Variants in KIAA0825 observed in about 807,000 individuals in gnomAD.
KIAA0825 encodes the protein uncharacterized protein KIAA0825.
KIAA0825 carries 119 observed loss-of-function variants against 147.6 expected under a neutral mutation model. The observed-to-expected ratio is 0.81, with a 90% CI of 0.69 to 0.94. The LOEUF is 0.94. Among genes scored for constraint, KIAA0825 ranks in the 40% least tolerant of loss-of-function variants. The pLI, the probability that KIAA0825 is intolerant of heterozygous loss-of-function variation, is 0.00. For missense variants in KIAA0825, 1,381 were observed against 1,472.7 expected, an observed-to-expected ratio of 0.94 and a Z score of 1.02; for synonymous variants, 470 against 518.1, an observed-to-expected ratio of 0.91 and a Z score of 1.26.
rs183644747 is a variant in KIAA0825, at chr5:94,194,168, C to A, written c.3711-40044G>T. Among the ~76,000 whole-genome samples the A allele has an allele frequency of 2.5e-4, 38 of 152,292 alleles. No individual in the cohort carries two copies. The East Asian group carries it at 7.0e-3, about 28-fold the overall frequency. ...AGGAGAGGAAGCAGCTGCTTGCAGA[C>A]AATGTCTCCTCTCTGCCCTCCCCAG... On this transcript the variant is annotated intron_variant, in intron 20 of 20. Transcript: ENST00000682413.
intron 12 of KIAA0825, among the ~76,000 whole-genome samples, chr5:94,460,812 T>C (rs1047422243): frequency 6.6e-6 from 1 of 152,028 alleles, no homozygotes; most frequent in Non-Finnish European, 1.5e-5. Flanking sequence ...AGATGTATAG[T>C]CTAGGAAAAT....
chr5:94,555,015 A>G (rs1248434981), intron 2 of KIAA0825, among the ~76,000 whole-genome samples: 1 of 151,890 alleles, frequency 6.6e-6, no homozygotes, highest in Non-Finnish European at 1.5e-5. Context: ...TCTGCCATAT[A>G]CATTTGACAG....
At chr5:94,614,722 T>C (rs1789935032) in intron 1 of KIAA0825, among the ~76,000 whole-genome samples, 1 of 152,212 alleles carries the variant, frequency 6.6e-6, no homozygotes, top group Admixed American at 6.5e-5. Flanking sequence ...AAAAATCTCT[T>C]TTCTTTGCAT....
At chr5:94,565,095 C>CTTTCTTTTTTTTTTTTTTTTTTTTTTT (rs1778432946) in intron 2 of KIAA0825, among the ~76,000 whole-genome samples, 1 of 52,936 alleles carries the variant, frequency 1.9e-5, no homozygotes, top group African/African-American at 7.8e-5. Context: ...TCTTGCTTTC[C>CTTTCTTTTTTTTTTTTTTTTTTTTTTT]TTTTTTTTTT....
At chr5:94,467,391 T>A (rs1352961502) in intron 10 of KIAA0825, among the ~76,000 whole-genome samples, 1 of 152,206 alleles carries the variant, frequency 6.6e-6, no homozygotes, top group African/African-American at 2.4e-5. Flanking sequence ...AGATTATATA[T>A]CAGGAAACAA....
intron 20 of KIAA0825, among the ~76,000 whole-genome samples, chr5:94,278,005 CACAGGA>C (rs1777295790): frequency 1.3e-5 from 2 of 152,108 alleles, no homozygotes; most frequent in Admixed American, 1.3e-4. Context: ...AACAAACTAA[CACAGGA>C]ACAGAAAACC....
At chr5:94,559,256 A>G (rs573446110) in intron 2 of KIAA0825, among the ~76,000 whole-genome samples, 2 of 152,318 alleles carry the variant, frequency 1.3e-5, no homozygotes, top group East Asian at 3.9e-4. Flanking sequence ...TGTTTTCAAT[A>G]AAACAATTTA....
At chr5:94,332,227 CT>C (rs1372058235) in intron 20 of KIAA0825, among the ~76,000 whole-genome samples, 61 of 137,268 alleles carry the variant, frequency 4.4e-4, no homozygotes, top group Non-Finnish European at 3.2e-4. Context: ...TCTTTTCTTT[CT>C]TTTTTTTTTT....
At chr5:94,484,692 G>A (rs149327557) in intron 6 of KIAA0825, 77 bp downstream of exon 6, 28 of 967,530 alleles carry the variant, frequency 2.9e-5, no homozygotes, top group African/African-American at 1.3e-4. Context: ...TCAAGTAATC[G>A]TTTTCATTCA....
Position 94,221,170 on chromosome 5 carries a change from G to C in KIAA0825, c.3711-67046C>G, listed in dbSNP as rs1432428452. ...CAGACTACGAGGTGTGACCCTAAGA[G>C]TCCCTCTTTGTGGTCTCAGGGGTAG... On this transcript the variant is annotated intron_variant, in intron 20 of 20. Transcript: ENST00000682413. 3.3e-5 allele frequency among the ~76,000 whole-genome samples: 5 copies of C among 152,270 alleles called. No homozygotes were observed. In the East Asian group the frequency reaches 9.6e-4, roughly 29 times the overall value.
intron 5 of KIAA0825, among the ~76,000 whole-genome samples, chr5:94,495,202 CTTA>C (rs1254171194): frequency 1.3e-5 from 2 of 152,154 alleles, no homozygotes; most frequent in Non-Finnish European, 2.9e-5. Context: ...TACTCATGAG[CTTA>C]TTATTCTAAA....
chr5:94,328,895 G>A (rs1584132168), intron 20 of KIAA0825, among the ~76,000 whole-genome samples: 1 of 151,958 alleles, frequency 6.6e-6, no homozygotes, highest in South Asian at 2.1e-4. Flanking sequence ...CTAAAAGTAT[G>A]TTTCAAATAT....
At chr5:94,388,396 G>T (rs1475642054) in intron 18 of KIAA0825, among the ~76,000 whole-genome samples, 2 of 152,128 alleles carry the variant, frequency 1.3e-5, no homozygotes, top group African/African-American at 4.8e-5. Flanking sequence ...ATTCTTTAGT[G>T]TCTGATGGAG....
At chr5:94,477,080 A>G in intron 7 of KIAA0825, 31 bp downstream of exon 7, 1 of 1,445,258 alleles carries the variant, frequency 6.9e-7, no homozygotes, top group Non-Finnish European at 9.5e-7. Flanking sequence ...TTATATGTGA[A>G]TTATAAAACA....
intron 1 of KIAA0825, among the ~76,000 whole-genome samples, chr5:94,604,916 T>C (rs1230204139): frequency 2.0e-5 from 3 of 150,684 alleles, no homozygotes; most frequent in Non-Finnish European, 3.0e-5. Context: ...CTGAAGGAGA[T>C]AGAGACAAGA....
intron 3 of KIAA0825, among the ~76,000 whole-genome samples, chr5:94,531,523 G>A (rs1354787480): frequency 6.6e-6 from 1 of 152,208 alleles, no homozygotes; most frequent in Non-Finnish European, 1.5e-5. Context: ...CTACTGCGCT[G>A]CTGAAGCCCA....
At chr5:94,256,786 G>A (rs1041822978) in intron 20 of KIAA0825, among the ~76,000 whole-genome samples, 2 of 152,100 alleles carry the variant, frequency 1.3e-5, no homozygotes, top group African/African-American at 2.4e-5. Context: ...AGTTCTGGAG[G>A]TAGATACGTA....
intron 20 of KIAA0825, among the ~76,000 whole-genome samples, chr5:94,293,970 C>T (rs1778024481): frequency 6.6e-6 from 1 of 151,350 alleles, no homozygotes. Context: ...TTTTTGCTTT[C>T]CATTTGCTTG....
At chr5:94,599,134 C>T (rs1003074531) in intron 1 of KIAA0825, among the ~76,000 whole-genome samples, 2 of 151,970 alleles carry the variant, frequency 1.3e-5, no homozygotes, top group African/African-American at 2.4e-5. Flanking sequence ...TCTTTGATAG[C>T]ATTTGGTATT....
Sources: allele counts gnomAD v4.1 joint callset (sites outside exome capture counted in the v4.1 genomes callset), GRCh38; gene constraint gnomAD v4.1.1; transcripts MANE v1.5; gene names NCBI Gene and HGNC (gene_info 2026-07-23, HGNC 2026-07-21).